The following PDE1C variants were observed in gnomAD, a reference collection of about 807,000 sequenced individuals.
The protein encoded by PDE1C is phosphodiesterase 1C.
PDE1C carries 62 observed loss-of-function variants against 93.1 expected under a neutral mutation model. The observed-to-expected ratio is 0.67, with a 90% confidence interval of 0.54 to 0.82. The LOEUF (loss-of-function observed/expected upper bound fraction) is 0.82, where lower values mean the gene tolerates loss of function less well. Ranked by LOEUF, PDE1C falls within the 40% of genes least tolerant of loss-of-function variation. PDE1C has a pLI of 0.00. For synonymous variants in PDE1C, 325 were observed against 310.1 expected (o/e 1.05, Z -0.50); for missense variants, 742 against 884.6 (o/e 0.84, Z 2.04).
the PDE1C span, among the ~76,000 whole-genome samples, chr7:31,729,117 C>G: frequency 6.6e-6 from 1 of 152,190 alleles, no homozygotes; most frequent in Admixed American, 6.5e-5. Flanking sequence ...TAGGTTATTA[C>G]GAGGACCAAA....
chr7:32,165,728 G>T (rs1263793496), intron 3 of PDE1C, among the ~76,000 whole-genome samples: 1 of 152,122 alleles, frequency 6.6e-6, no homozygotes, highest in Non-Finnish European at 1.5e-5. Context: ...ATGAGATTTG[G>T]GTGGGGACAC....
chr7:32,384,373 A>G (rs1326773355), intron 1 of PDE1C, among the ~76,000 whole-genome samples: 1 of 152,248 alleles, frequency 6.6e-6, no homozygotes, highest in Non-Finnish European at 1.5e-5. Context: ...AGTAAACATC[A>G]TCATAATAAT....
chr7:31,841,713 A>C (rs1791923272), intron 9 of PDE1C, among the ~76,000 whole-genome samples: 1 of 152,150 alleles, frequency 6.6e-6, no homozygotes. Context: ...GGATAAGCCC[A>C]ATATATGAGT....
At chr7:31,808,876 A>T (rs899682662) in intron 16 of PDE1C, among the ~76,000 whole-genome samples, 155 bp downstream of exon 16, 8 of 152,130 alleles carry the variant, frequency 5.3e-5, no homozygotes, top group African/African-American at 9.6e-5. Context: ...AATTATTGAT[A>T]AAGGGATAAT....
At chr7:32,238,810 GA>G (rs1808331957) in intron 1 of PDE1C, among the ~76,000 whole-genome samples, 1 of 152,170 alleles carries the variant, frequency 6.6e-6, no homozygotes. Context: ...CCATATTGGG[GA>G]AAAATAAAGT....
At chr7:32,240,591 A>C (rs1321959422) in intron 1 of PDE1C, among the ~76,000 whole-genome samples, 2 of 152,206 alleles carry the variant, frequency 1.3e-5, no homozygotes, top group Admixed American at 6.5e-5. Context: ...GCAGGGATTT[A>C]GGAGAGGGAG....
intron 1 of PDE1C, among the ~76,000 whole-genome samples, chr7:32,214,588 G>A (rs1484632766): frequency 6.6e-6 from 1 of 152,178 alleles, no homozygotes; most frequent in Admixed American, 6.5e-5. Context: ...AAGGCAGGAG[G>A]ACATGGCTTT....
At chr7:31,780,416 T>G (rs1165781405) in intron 16 of PDE1C, among the ~76,000 whole-genome samples, 1 of 152,242 alleles carries the variant, frequency 6.6e-6, no homozygotes, top group Non-Finnish European at 1.5e-5. Flanking sequence ...CGATTTAGAC[T>G]GCACGTCTGC....
chr7:32,407,026 A>G (rs1583424440), intron 1 of PDE1C, among the ~76,000 whole-genome samples: 1 of 152,344 alleles, frequency 6.6e-6, no homozygotes, highest in East Asian at 1.9e-4. Context: ...CTGTAATCCA[A>G]GCACTTTGGG....
At chr7:32,166,414 T>C (rs568541321) in intron 3 of PDE1C, among the ~76,000 whole-genome samples, 1 of 152,254 alleles carries the variant, frequency 6.6e-6, no homozygotes, top group South Asian at 2.1e-4. Flanking sequence ...TTGGCTGGGA[T>C]CTGGACCTGG....
At chr7:31,965,306 C>T (rs1210398952) in intron 2 of PDE1C, among the ~76,000 whole-genome samples, 6 of 152,144 alleles carry the variant, frequency 3.9e-5, no homozygotes, top group Non-Finnish European at 5.9e-5. Context: ...AACTATGTGA[C>T]GAACGCACAA....
intron 2 of PDE1C, among the ~76,000 whole-genome samples, chr7:32,012,538 A>G (rs1316766637): frequency 6.6e-6 from 1 of 152,236 alleles, no homozygotes; most frequent in Non-Finnish European, 1.5e-5. Context: ...GAATCTGTGT[A>G]TGTAAAATTC....
At chr7:32,254,769 C>T (rs1017458346) in intron 1 of PDE1C, among the ~76,000 whole-genome samples, 2 of 151,964 alleles carry the variant, frequency 1.3e-5, no homozygotes, top group African/African-American at 2.4e-5. Context: ...ATCTCAGAAA[C>T]CCCTGCTACC....
At chr7:32,184,181 C>T (rs1312239640) in intron 2 of PDE1C, among the ~76,000 whole-genome samples, 4 of 152,162 alleles carry the variant, frequency 2.6e-5, no homozygotes, top group African/African-American at 9.7e-5. Flanking sequence ...GAAATAGGAA[C>T]ACTTTTACAC....
chr7:32,316,959 T>C (rs1783187666), intron 1 of PDE1C, among the ~76,000 whole-genome samples: 1 of 152,220 alleles, frequency 6.6e-6, no homozygotes, highest in Non-Finnish European at 1.5e-5. Flanking sequence ...GTGTCACCTC[T>C]TGACTTAATT....
chr7:32,283,757 G>A (rs1811828122), intron 1 of PDE1C, among the ~76,000 whole-genome samples: 1 of 152,206 alleles, frequency 6.6e-6, no homozygotes, highest in African/African-American at 2.4e-5. Context: ...TTTGCTGCCA[G>A]CTGGAAATCC....
upstream of PDE1C, chr7:32,070,618 CCATGGTCCCGGGCTA>C: frequency 7.1e-7 from 1 of 1,413,138 alleles, no homozygotes; most frequent in South Asian, 1.5e-5. Context: ...CGGGAACCAG[CCATGGTCCCGGGCTA>C]ATGCCCAGGG....
chr7:31,705,310 T>C, the PDE1C span, among the ~76,000 whole-genome samples: 1 of 152,170 alleles, frequency 6.6e-6, no homozygotes, highest in Admixed American at 6.5e-5. Flanking sequence ...TTGCCCACTT[T>C]GAATCAACTC....
At chr7:31,997,622 C>T (rs7796232) in intron 2 of PDE1C, among the ~76,000 whole-genome samples, 36,005 of 152,048 alleles carry the variant, frequency 0.24, 5,401 homozygotes, top group African/African-American at 0.41. Context: ...ACTCAGCTAT[C>T]TGGTAAGTAC....
Sources: allele counts gnomAD v4.1 joint callset (sites outside exome capture counted in the v4.1 genomes callset), GRCh38; gene constraint gnomAD v4.1.1; transcripts MANE v1.5; gene names NCBI Gene and HGNC (gene_info 2026-07-23, HGNC 2026-07-21).